CLCF1: variants seen among roughly 807,000 people sequenced by gnomAD.
CLCF1 encodes cardiotrophin-like cytokine factor 1.
Under a neutral mutation model 21.2 loss-of-function variants are expected in CLCF1, and 10 were observed. The ratio of observed to expected loss-of-function variants is 0.47; its 90% CI spans 0.29 to 0.80. CLCF1 has a LOEUF of 0.80. Among genes scored for constraint, CLCF1 ranks in the 30% least tolerant of loss-of-function variants. The pLI is 0.09. For synonymous variants in CLCF1, 115 were observed against 120.5 expected, an observed-to-expected ratio of 0.95 and a Z score of 0.30; for missense variants, 240 against 293.4, an observed-to-expected ratio of 0.82 and a Z score of 1.33.
intron 1 of CLCF1, chr11:67,370,230 G>A (rs1026207142): frequency 9.2e-5 from 91 of 985,366 alleles, no homozygotes; most frequent in African/African-American, 9.1e-4. Context: ...GAACACCTGC[G>A]GTTTAGTCGT....
rs559574646 is a variant in CLCF1, at chr11:67,369,911, TAA to T, written c.17-2287_17-2286del. 5,790 of 974,516 alleles carry T rather than the reference TAA, an allele frequency of 5.9e-3. 23 individuals are homozygous for T. Among genetic ancestry groups the T allele is most frequent in the Non-Finnish European group, 6.5e-3 (5,415 of 829,784 alleles). 60.4% of individuals were successfully genotyped at this position (974,516 alleles called of 1,614,324 possible). A position where few individuals can be genotyped will look rare whatever the true frequency, so the allele number is the denominator to read the frequency against. ...GAGAAGCCTTTGGATAGACAAGAAC[TAA>T]GTCATCTGGGCAGAAAAAAACGGCT... On this transcript the variant is annotated intron_variant, in intron 1 of 2. Coordinates refer to ENST00000312438, the MANE Select transcript of CLCF1 (RefSeq NM_013246.3).
At chr11:67,368,702 GTTGA>G in intron 1 of CLCF1, 1 of 985,304 alleles carries the variant, frequency 1.0e-6, no homozygotes, top group East Asian at 1.1e-4. Flanking sequence ...TTGGGATTTG[GTTGA>G]TTTAGTGCGG....
chr11:67,365,664 G>A lies in CLCF1; in HGVS notation c.184-34C>T, dbSNP rs758521384. 1.3e-6 allele frequency: 2 copies of A among 1,575,002 alleles called. No homozygotes were observed. Among genetic ancestry groups the A allele is most frequent in the Admixed American group, 3.6e-5 (2 of 55,836 alleles). On this transcript the variant is annotated intron_variant, in intron 2 of 2. Coordinates refer to ENST00000312438, the MANE Select transcript of CLCF1 (RefSeq NM_013246.3). The surrounding 1 kb of genome is among the most constrained non-coding windows in gnomAD (Gnocchi z 5.0). Reference sequence around the variant, plus strand: ...AGGAGAGGGTGATGGGGAAGGAGGAGGGCAGAGCCGCTGGCTCACCACCAA... The same window carrying A: ...AGGAGAGGGTGATGGGGAAGGAGGAAGGCAGAGCCGCTGGCTCACCACCAA...
At chr11:67,369,444 G>A (rs991575206) in intron 1 of CLCF1, 16 of 985,260 alleles carry the variant, frequency 1.6e-5, no homozygotes, top group Middle Eastern at 5.2e-4. Context: ...CCTCCTGGAC[G>A]CTGCTTTCCT....
At chr11:67,373,729 C>G, upstream of CLCF1, 3 of 689,012 alleles carry the variant, frequency 4.4e-6, no homozygotes, top group Non-Finnish European at 5.3e-6. Flanking sequence ...TTTTTTTTTT[C>G]TGACGTGTAA....
rs104894203 is a variant in CLCF1, at chr11:67,365,224, C to T, written c.590G>A (p.Arg197His). The change falls in exon 3 of 3, where the codon CGC becomes CAC. Residue 197 changes from arginine (R) to histidine (H), a missense_variant. Coordinates refer to ENST00000312438, the MANE Select transcript of CLCF1 (RefSeq NM_013246.3). The surrounding 1 kb of genome is among the most constrained non-coding windows in gnomAD (Gnocchi z 5.0). The stretch of plus-strand genomic sequence containing the variant: ...GAGCCGGTTGAAGTCCTTGGCCGAG[C>T]GCCACAGCCAGGTCTGCAGCTCCTT... ...LLKELQTWLW[R>H]SAKDFNRLKK... The T allele has an allele frequency of 2.5e-6, 4 of 1,613,872 alleles. No homozygotes were observed. The highest frequency in any genetic ancestry group is 1.7e-5 in the Admixed American group (1 of 60,002).
upstream of CLCF1, chr11:67,373,780 G>A: frequency 3.6e-6 from 4 of 1,108,072 alleles, no homozygotes; most frequent in Non-Finnish European, 4.5e-6. Flanking sequence ...CCGGGGTGGG[G>A]GTAGGAGGGG....
At chr11:67,367,216 C>A (rs1271026311) in intron 2 of CLCF1, among the ~76,000 whole-genome samples, 1 of 152,166 alleles carries the variant, frequency 6.6e-6, no homozygotes, top group Non-Finnish European at 1.5e-5. Context: ...GGCTGGCAGC[C>A]AGTGGGGCAA....
In CLCF1 at chr11:67,365,843, T is replaced by G. The variant is rs554695204; in HGVS notation, c.184-213A>C. On this transcript the variant is annotated intron_variant, in intron 2 of 2. Coordinates refer to ENST00000312438, the MANE Select transcript of CLCF1 (RefSeq NM_013246.3). This position sits in a 1 kb window ranked among gnomAD's most constrained non-coding sequence, Gnocchi z 5.0. ...AGTTGAAGCAGTGGCGGTGGTGAGC[T>G]CTCCAATGGAGAGGCGTAGAAAAAG... 2.6e-5 allele frequency among the ~76,000 whole-genome samples: 4 copies of G among 151,812 alleles called. No homozygotes were observed. The East Asian group carries it at 7.8e-4, about 29-fold the overall frequency.
rs1862055829 is a variant in CLCF1, at chr11:67,364,334, A to C, written c.*802T>G. On this transcript the variant is annotated 3_prime_UTR_variant, in exon 3 of 3. Coordinates refer to ENST00000312438, the MANE Select transcript of CLCF1 (RefSeq NM_013246.3). ...TTGGGGAGCTGCCACCCTACACCCC[A>C]AAATGCTACTGCATTGTAAACTTTC... 6.6e-6 allele frequency: 1 copy of C among 152,562 alleles called. No individual in the cohort carries two copies. The highest frequency in any genetic ancestry group is 2.4e-5 in the African/African-American group (1 of 41,436). The allele number at this position is 152,562 out of a possible 1,614,324, so 9.5% of individuals were successfully genotyped here. A position where few individuals can be genotyped will look rare whatever the true frequency, so the allele number is the denominator to read the frequency against.
At position 67,369,685 on chromosome 11, in the gene CLCF1, G is replaced by A. The variant is rs1023777810; in HGVS notation, c.17-2059C>T. On this transcript the variant is annotated intron_variant, in intron 1 of 2. Coordinates refer to ENST00000312438, the MANE Select transcript of CLCF1 (RefSeq NM_013246.3). ...TCTGGCTTCACTCAAAGTTAGTGGC[G>A]AGACCAAGGGTCCCAACTGAAGCCG... The A allele has an allele frequency of 4.1e-6, 4 of 985,322 alleles. No individual in the cohort carries two copies. In the African/African-American group the frequency reaches 5.2e-5, roughly 13 times the overall value. The allele number at this position is 985,322 out of a possible 1,614,324, so 61.0% of individuals were successfully genotyped here. A position where few individuals can be genotyped will look rare whatever the true frequency, so the allele number is the denominator to read the frequency against.
intron 1 of CLCF1, among the ~76,000 whole-genome samples, chr11:67,373,012 G>T (rs1862272397): frequency 1.3e-5 from 2 of 150,018 alleles, no homozygotes; most frequent in East Asian, 2.1e-4. Context: ...CCTCTCCGCC[G>T]CCCGCCCTTC....
chr11:67,365,655 G>T lies in CLCF1; in HGVS notation c.184-25C>A. ...GCTGTGAAAAGGAGAGGGTGATGGGGAAGGAGGAGGGCAGAGCCGCTGGCT... is the reference window on the plus strand; with the variant it reads ...GCTGTGAAAAGGAGAGGGTGATGGGTAAGGAGGAGGGCAGAGCCGCTGGCT... On this transcript the variant is annotated intron_variant, in intron 2 of 2. Coordinates refer to ENST00000312438, the MANE Select transcript of CLCF1 (RefSeq NM_013246.3). This position sits in a 1 kb window ranked among gnomAD's most constrained non-coding sequence, Gnocchi z 5.0. 6.3e-7 allele frequency: 1 copy of T among 1,589,596 alleles called. No individual in the cohort carries two copies. The highest frequency in any genetic ancestry group is 1.1e-5 in the South Asian group (1 of 88,658).
chr11:67,364,887 C>G lies in CLCF1; in HGVS notation c.*249G>C, dbSNP rs909855237. The G allele has an allele frequency of 1.2e-5, 7 of 579,294 alleles. No homozygotes were observed. The Admixed American group carries it at 1.3e-4, about 10-fold the overall frequency. The allele number at this position is 579,294 out of a possible 1,614,324, so 35.9% of individuals were successfully genotyped here. A position where few individuals can be genotyped will look rare whatever the true frequency, so the allele number is the denominator to read the frequency against. ...CTGCACCAACCTGAACCACTTCACA[C>G]TCCCTCGAGCATGACTTCCTGTAGA... On this transcript the variant is annotated 3_prime_UTR_variant, in exon 3 of 3. Coordinates refer to ENST00000312438, the MANE Select transcript of CLCF1 (RefSeq NM_013246.3).
chr11:67,371,002 C>T (rs973272795), intron 1 of CLCF1: 13 of 985,070 alleles, frequency 1.3e-5, no homozygotes, highest in Admixed American at 1.2e-4. Context: ...GCGCTGGCTG[C>T]GGTTGGAGGG....
intron 2 of CLCF1, among the ~76,000 whole-genome samples, chr11:67,366,414 A>C (rs1288450907): frequency 2.0e-5 from 3 of 152,156 alleles, no homozygotes; most frequent in African/African-American, 7.2e-5. Flanking sequence ...GGGGCTGGGG[A>C]GAGACGGGTA....
chr11:67,367,875 G>C, intron 1 of CLCF1: 1 of 985,436 alleles, frequency 1.0e-6, no homozygotes, highest in Non-Finnish European at 1.2e-6. Context: ...CTTGAGAATG[G>C]ATCTGTGTGT....
intron 1 of CLCF1, chr11:67,370,419 C>G (rs898847092): frequency 5.1e-6 from 5 of 984,844 alleles, no homozygotes; most frequent in Non-Finnish European, 6.0e-6. Flanking sequence ...GCCCGGCCCC[C>G]GCCCCAGCTC....
chr11:67,370,275 T>C (rs1316685861), intron 1 of CLCF1: 1 of 985,196 alleles, frequency 1.0e-6, no homozygotes, highest in African/African-American at 1.7e-5. Context: ...GCCTGCCTCC[T>C]GAGGAGAGTG....
Sources: allele counts gnomAD v4.1 joint callset (sites outside exome capture counted in the v4.1 genomes callset), GRCh38; gene constraint gnomAD v4.1.1; non-coding constraint Gnocchi (gnomAD v3.1); transcripts MANE v1.5; gene names NCBI Gene and HGNC (gene_info 2026-07-23, HGNC 2026-07-21).